PCDHA5: variants seen among roughly 807,000 people sequenced by gnomAD.
PCDHA5 encodes protocadherin alpha 5, also known as protocadherin alpha-5.
A neutral mutation model predicts 61.6 loss-of-function variants in PCDHA5; 43 were observed. The observed-to-expected ratio is 0.70, with a 90% confidence interval of 0.55 to 0.90. PCDHA5 has a LOEUF of 0.90. Among genes scored for constraint, PCDHA5 ranks in the 40% least tolerant of loss-of-function variants. The pLI, the probability that PCDHA5 is intolerant of heterozygous loss-of-function variation, is 0.00. For missense variants in PCDHA5, 1,298 were observed against 1,222.7 expected, an observed-to-expected ratio of 1.06 and a Z score of -0.92; for synonymous variants, 627 against 543.9, an observed-to-expected ratio of 1.15 and a Z score of -2.13.
chr5:140,978,894 C>G, intron 1 of PCDHA5, 55 bp from the exon 2 acceptor site: 1 of 1,612,598 alleles, frequency 6.2e-7, no homozygotes, highest in South Asian at 1.1e-5. Flanking sequence ...AGCAGCATTC[C>G]TGGGAGAACA....
chr5:140,848,883 C>G, intron 1 of PCDHA5: 1 of 1,591,194 alleles, frequency 6.3e-7, no homozygotes, highest in Non-Finnish European at 8.6e-7. Context: ...TAACGACAAC[C>G]CTCCAGTGTT....
intron 1 of PCDHA5, chr5:140,928,931 A>G: frequency 1.9e-6 from 3 of 1,614,150 alleles, no homozygotes; most frequent in Non-Finnish European, 2.5e-6. Flanking sequence ...CTTTCTGCCC[A>G]GAACTTGTAT....
At chr5:140,827,456 A>T (rs1477893229) in intron 1 of PCDHA5, among the ~76,000 whole-genome samples, 4 of 152,224 alleles carry the variant, frequency 2.6e-5, no homozygotes, top group South Asian at 2.1e-4. Context: ...GAACCTTAAG[A>T]GCATCTGATA....
At chr5:140,871,528 T>C (rs373016617) in intron 1 of PCDHA5, 418 of 1,530,484 alleles carry the variant, frequency 2.7e-4, no homozygotes, top group Non-Finnish European at 3.4e-4. Flanking sequence ...TATCAGGAAG[T>C]GTATGTGAAA....
intron 1 of PCDHA5, chr5:140,869,782 C>T (rs782296742): frequency 1.6e-5 from 25 of 1,612,752 alleles, no homozygotes; most frequent in East Asian, 2.2e-5. Context: ...TGGCACCGTT[C>T]GGCTGTTAGT....
At chr5:140,964,222 A>G (rs2095818106) in intron 1 of PCDHA5, among the ~76,000 whole-genome samples, 1 of 152,254 alleles carries the variant, frequency 6.6e-6, no homozygotes, top group African/African-American at 2.4e-5. Flanking sequence ...AATGTCTTTC[A>G]AAATGAGGCT....
chr5:140,840,808 C>T (rs1554137908), intron 1 of PCDHA5, among the ~76,000 whole-genome samples: 1 of 151,970 alleles, frequency 6.6e-6, no homozygotes, highest in East Asian at 1.9e-4. Context: ...GTAATATATA[C>T]CAGTGTTTCT....
Position 140,979,705 on chromosome 5 carries a change from G to A in PCDHA5, c.2411+698G>A, listed in dbSNP as rs138804576. Among the ~76,000 whole-genome samples, 597 of 152,336 alleles carry A rather than the reference G, an allele frequency of 3.9e-3. 4 individuals carry two copies. The highest frequency in any genetic ancestry group is 0.014 in the African/African-American group (562 of 41,570). On this transcript the variant is annotated intron_variant, in intron 2 of 3. Coordinates refer to ENST00000529859, the MANE Select transcript of PCDHA5 (RefSeq NM_018908.3). ...ATTAACTACCATTATTTCTGGAGGT[G>A]ATCCAGTATCCATGCCATGGGGCCA... is the stretch of plus-strand genomic sequence containing the variant.
chr5:140,888,441 A>G (rs2061829051), intron 1 of PCDHA5, among the ~76,000 whole-genome samples: 1 of 152,222 alleles, frequency 6.6e-6, no homozygotes, highest in African/African-American at 2.4e-5. Context: ...CAGCCGCCCA[A>G]CAATAAAGAA....
intron 1 of PCDHA5, chr5:140,870,178 C>T (rs2051730547): frequency 2.5e-6 from 4 of 1,614,094 alleles, no homozygotes; most frequent in East Asian, 2.2e-5. Context: ...CCTCCCAGTA[C>T]GAGAGGACGC....
At chr5:140,940,258 C>A (rs2092581637) in intron 1 of PCDHA5, among the ~76,000 whole-genome samples, 1 of 152,130 alleles carries the variant, frequency 6.6e-6, no homozygotes, top group South Asian at 2.1e-4. Flanking sequence ...TCAATATCTT[C>A]TGGGTTCCAC....
At chr5:140,977,730 T>C (rs1478978176) in intron 1 of PCDHA5, among the ~76,000 whole-genome samples, 1 of 152,226 alleles carries the variant, frequency 6.6e-6, no homozygotes, top group Non-Finnish European at 1.5e-5. Flanking sequence ...ATTTCTCTCC[T>C]GGGTGTTATG....
intron 1 of PCDHA5, chr5:140,842,566 CGA>C: frequency 6.7e-7 from 1 of 1,503,446 alleles, no homozygotes; most frequent in Non-Finnish European, 9.0e-7. Context: ...CCCTGGACCG[CGA>C]GAGAGTGTCG....
intron 3 of PCDHA5, among the ~76,000 whole-genome samples, chr5:141,000,413 A>AT (rs2097920175): frequency 1.1e-5 from 1 of 93,256 alleles, no homozygotes; most frequent in African/African-American, 4.5e-5. Context: ...ATATATATAT[A>AT]TATATATATT....
At chr5:140,869,497 G>T (rs2051177889) in intron 1 of PCDHA5, 2 of 1,614,084 alleles carry the variant, frequency 1.2e-6, no homozygotes. Flanking sequence ...CAACCCGCCG[G>T]TGTTCTCGCT....
intron 1 of PCDHA5, among the ~76,000 whole-genome samples, chr5:140,957,750 TGTTCATTATATATGTTAAGTAAAAACTAA>T (rs1477515057): frequency 6.6e-6 from 1 of 152,128 alleles, no homozygotes; most frequent in African/African-American, 2.4e-5. Context: ...CATGAAAGGA[TGTTCATTATATATGTTAAGTAAAAACTAA>T]GTTCATCATA....
At chr5:140,898,751 A>G (rs2066956971) in intron 1 of PCDHA5, among the ~76,000 whole-genome samples, 1 of 152,050 alleles carries the variant, frequency 6.6e-6, no homozygotes, top group Admixed American at 6.6e-5. Context: ...CTTGATGGGG[A>G]TGGCATTGAA....
chr5:141,010,360 C>T lies in PCDHA5; in HGVS notation c.*423C>T, dbSNP rs1436094767. 22 of 1,488,936 alleles carry T rather than the reference C, an allele frequency of 1.5e-5. No individual in the cohort carries two copies. Among genetic ancestry groups the T allele is most frequent in the Non-Finnish European group, 1.9e-5 (21 of 1,118,260 alleles). The allele number at this position is 1,488,936 out of a possible 1,614,324, so 92.2% of individuals were successfully genotyped here. ...GGCCACTGGGTATGTGTGGCTACCG[C>T]GGGTATGCGAGTGCCAGATATTGGC... On this transcript the variant is annotated 3_prime_UTR_variant, in exon 4 of 4. Coordinates refer to ENST00000529859, the MANE Select transcript of PCDHA5 (RefSeq NM_018908.3).
At chr5:140,836,649 CA>C (rs1774652282) in intron 1 of PCDHA5, 1 of 1,613,348 alleles carries the variant, frequency 6.2e-7, no homozygotes, top group African/African-American at 1.3e-5. Context: ...GCAGAGGCGG[CA>C]GAGGGTGTGC....
Sources: gnomAD v4.1 joint callset for allele counts (sites outside exome capture counted in the v4.1 genomes callset) on GRCh38, gnomAD v4.1.1 for gene constraint, MANE v1.5 for transcripts, NCBI Gene and HGNC (gene_info 2026-07-23, HGNC 2026-07-21) for gene names.